SSBP2: variants seen among roughly 807,000 people sequenced by gnomAD.
The protein encoded by SSBP2 is single stranded DNA binding protein 2.
SSBP2 carries 17 observed loss-of-function variants against 61.8 expected under a neutral mutation model. That is an observed-to-expected ratio of 0.28 (90% CI 0.19 to 0.41). SSBP2 has a LOEUF of 0.41. Among genes scored for constraint, SSBP2 ranks in the 10% least tolerant of loss-of-function variants. The probability of loss-of-function intolerance (pLI) is 1.00; values close to 1 mark genes in which losing one functional copy is unlikely to be tolerated. For synonymous variants in SSBP2, 139 were observed against 141.3 expected (o/e 0.98, Z 0.12); for missense variants, 310 against 458.7 (o/e 0.68, Z 2.96).
At chr5:81,709,778 T>A (rs968108946) in intron 1 of SSBP2, among the ~76,000 whole-genome samples, 1 of 151,794 alleles carries the variant, frequency 6.6e-6, no homozygotes, top group African/African-American at 2.4e-5. Context: ...AAGAAAAAAA[T>A]TTTAAAAGTC....
At chr5:81,461,209 G>T in intron 9 of SSBP2, 106 bp from the exon 10 acceptor site, 1 of 805,084 alleles carries the variant, frequency 1.2e-6, no homozygotes, top group Non-Finnish European at 1.8e-6. Context: ...TTACTATGCA[G>T]TTCTAGTTTG....
At chr5:81,750,733 C>G in intron 1 of SSBP2, 1 of 540,792 alleles carries the variant, frequency 1.8e-6, no homozygotes, top group South Asian at 2.3e-5. Flanking sequence ...ACCAGCACCA[C>G]CGCCGCCCCT....
intron 1 of SSBP2, among the ~76,000 whole-genome samples, chr5:81,688,462 T>G (rs1302981467): frequency 6.6e-6 from 1 of 152,214 alleles, no homozygotes; most frequent in African/African-American, 2.4e-5. Context: ...CCACAGGCCT[T>G]GGGTGTGACC....
intron 1 of SSBP2, among the ~76,000 whole-genome samples, chr5:81,654,893 G>A (rs752210801): frequency 6.6e-6 from 1 of 152,134 alleles, no homozygotes; most frequent in Non-Finnish European, 1.5e-5. Context: ...ATCCCAGGAA[G>A]TGGAAGGCTG....
intron 5 of SSBP2, among the ~76,000 whole-genome samples, chr5:81,509,407 A>G (rs1004229574): frequency 1.3e-5 from 2 of 152,198 alleles, no homozygotes; most frequent in South Asian, 4.1e-4. Context: ...AACTTGAATT[A>G]TGATTGTCTG....
At chr5:81,654,385 A>T (rs1350910434) in intron 1 of SSBP2, among the ~76,000 whole-genome samples, 1 of 152,192 alleles carries the variant, frequency 6.6e-6, no homozygotes, top group Non-Finnish European at 1.5e-5. Flanking sequence ...TTTCCCTGAA[A>T]GTCAGTTTTC....
At chr5:81,594,462 G>A (rs1390778534) in intron 4 of SSBP2, among the ~76,000 whole-genome samples, 1 of 152,094 alleles carries the variant, frequency 6.6e-6, no homozygotes, top group East Asian at 1.9e-4. Flanking sequence ...GGATACCCAG[G>A]AATTGAACTC....
chr5:81,583,906 G>C (rs1169061740), intron 4 of SSBP2, among the ~76,000 whole-genome samples: 1 of 152,074 alleles, frequency 6.6e-6, no homozygotes, highest in African/African-American at 2.4e-5. Flanking sequence ...TTTCCAACTA[G>C]TGTTAATACC....
At chr5:81,442,092 T>C (rs975686652) in intron 13 of SSBP2, among the ~76,000 whole-genome samples, 1 of 152,202 alleles carries the variant, frequency 6.6e-6, no homozygotes, top group African/African-American at 2.4e-5. Flanking sequence ...TAAATATTTT[T>C]GTAAACATGT....
At chr5:81,680,601 A>T (rs1337602765) in intron 1 of SSBP2, among the ~76,000 whole-genome samples, 1 of 152,088 alleles carries the variant, frequency 6.6e-6, no homozygotes, top group African/African-American at 2.4e-5. Context: ...CAATCAAAAG[A>T]AAGCCAGAGT....
chr5:81,623,716 A>T (rs960823442), intron 3 of SSBP2, among the ~76,000 whole-genome samples: 1 of 151,642 alleles, frequency 6.6e-6, no homozygotes, highest in Non-Finnish European at 1.5e-5. Flanking sequence ...CGTATGCCCT[A>T]AGAGTTATTA....
chr5:81,711,293 G>A (rs1290380759), intron 1 of SSBP2, among the ~76,000 whole-genome samples: 1 of 152,050 alleles, frequency 6.6e-6, no homozygotes, highest in African/African-American at 2.4e-5. Flanking sequence ...AGTTGATTCT[G>A]CTCAATAAGT....
chr5:81,536,043 C>T (rs1770775922), intron 4 of SSBP2, among the ~76,000 whole-genome samples: 1 of 151,820 alleles, frequency 6.6e-6, no homozygotes, highest in Admixed American at 6.6e-5. Flanking sequence ...TTTAAAAATG[C>T]AATAATAATA....
intron 16 of SSBP2, among the ~76,000 whole-genome samples, chr5:81,426,602 G>T (rs1370048776): frequency 6.6e-6 from 1 of 152,218 alleles, no homozygotes; most frequent in African/African-American, 2.4e-5. Context: ...ATTCACAGAA[G>T]AATCTGTTGT....
intron 1 of SSBP2, among the ~76,000 whole-genome samples, chr5:81,744,060 GAGAA>G (rs1757202274): frequency 6.6e-6 from 1 of 152,130 alleles, no homozygotes; most frequent in African/African-American, 2.4e-5. Context: ...ATAACATTAA[GAGAA>G]AACAGTACCT....
At chr5:81,466,511 T>C (rs969291018) in intron 9 of SSBP2, among the ~76,000 whole-genome samples, 3 of 151,956 alleles carry the variant, frequency 2.0e-5, no homozygotes, top group Non-Finnish European at 4.4e-5. Flanking sequence ...AGTAGAGATA[T>C]GTATGTATTT....
At chr5:81,574,914 T>C (rs1169222611) in intron 4 of SSBP2, among the ~76,000 whole-genome samples, 1 of 152,130 alleles carries the variant, frequency 6.6e-6, no homozygotes, top group East Asian at 1.9e-4. Context: ...AATCAGCAGA[T>C]CCACATAAAT....
At chr5:81,630,721 T>G (rs1001448290) in intron 3 of SSBP2, among the ~76,000 whole-genome samples, 1 of 133,160 alleles carries the variant, frequency 7.5e-6, no homozygotes, top group African/African-American at 2.8e-5. Flanking sequence ...AGGAAAAAAA[T>G]GGCACATTTA....
intron 5 of SSBP2, among the ~76,000 whole-genome samples, chr5:81,513,300 T>A (rs1469526932): frequency 6.6e-6 from 1 of 152,126 alleles, no homozygotes; most frequent in African/African-American, 2.4e-5. Context: ...ATAGTTAATA[T>A]CCATCTCTTT....
Sources: allele counts gnomAD v4.1 joint callset (sites outside exome capture counted in the v4.1 genomes callset), GRCh38; gene constraint gnomAD v4.1.1; transcripts MANE v1.5; gene names NCBI Gene and HGNC (gene_info 2026-07-23, HGNC 2026-07-21).